PRKDC: variants seen among roughly 807,000 people sequenced by gnomAD.
PRKDC encodes DNA-dependent protein kinase catalytic subunit.
Under a neutral mutation model 486.9 loss-of-function variants are expected in PRKDC, and 82 were observed. The ratio of observed to expected loss-of-function variants is 0.17; its 90% CI spans 0.14 to 0.20. The LOEUF (loss-of-function observed/expected upper bound fraction) is 0.20, where lower values mean the gene tolerates loss of function less well. Among genes scored for constraint, PRKDC ranks in the 10% least tolerant of loss-of-function variants. PRKDC has a pLI of 1.00. For missense variants in PRKDC, 4,504 were observed against 5,038.2 expected (o/e 0.89, Z 3.21); for synonymous variants, 1,895 against 1,837.0 (o/e 1.03, Z -0.81).
At chr8:47,920,312 C>G (rs939908569) in intron 21 of PRKDC, among the ~76,000 whole-genome samples, 1 of 152,150 alleles carries the variant, frequency 6.6e-6, no homozygotes, top group Non-Finnish European at 1.5e-5. Context: ...GTCTGTATCT[C>G]CTGGTTTTTG....
chr8:47,826,611 G>C (rs376470383), intron 63 of PRKDC, 45 bp downstream of exon 63: 7 of 1,557,870 alleles, frequency 4.5e-6, no homozygotes, highest in Middle Eastern at 4.6e-4. Context: ...GTATTGCTTT[G>C]GTCAAATCCA....
At chr8:47,801,032 T>C (rs1403520614) in intron 70 of PRKDC, 46 bp from the exon 71 acceptor site, 3 of 1,532,552 alleles carry the variant, frequency 2.0e-6, no homozygotes, top group Non-Finnish European at 2.7e-6. Context: ...TGTATGTGTG[T>C]GTGGAATTAA....
chr8:47,777,400 G>A (rs189286892), intron 84 of PRKDC, among the ~76,000 whole-genome samples: 54 of 152,130 alleles, frequency 3.5e-4, no homozygotes, highest in Non-Finnish European at 6.9e-4. Flanking sequence ...GTAGAGACAG[G>A]GTTTTACCAT....
In PRKDC at chr8:47,784,082, C is replaced by G. The variant is rs952370742; in HGVS notation, c.11108-273G>C. On this transcript the variant is annotated intron_variant, in intron 77 of 85. Transcript: ENST00000314191. ...GACCATCCTGGCTTACATGGTGAAG[C>G]CCCGTCTCTACTAAAAATACAAAAA... The G allele has an allele frequency of 2.1e-5, 7 of 338,210 alleles. No homozygotes were observed. In the South Asian group the frequency reaches 2.2e-4, roughly 10 times the overall value. The allele number at this position is 338,210 out of a possible 1,614,324, so 21.0% of individuals were successfully genotyped here. A position where few individuals can be genotyped will look rare whatever the true frequency, so the allele number is the denominator to read the frequency against.
intron 16 of PRKDC, among the ~76,000 whole-genome samples, chr8:47,932,439 AATCTCCTGACCTCGTG>A (rs2090273665): frequency 6.8e-6 from 1 of 146,610 alleles, no homozygotes; most frequent in Non-Finnish European, 1.5e-5. Flanking sequence ...GGATGGTCTC[AATCTCCTGACCTCGTG>A]ATCTGCCTGC....
rs138679977 is a variant in PRKDC, at chr8:47,783,898, G to A, written c.11108-89C>T. The A allele has an allele frequency of 1.7e-4, 223 of 1,284,716 alleles. 1 individual carries two copies. In the African/African-American group the frequency reaches 2.6e-3, roughly 15 times the overall value. 79.6% of individuals were successfully genotyped at this position (1,284,716 alleles called of 1,614,324 possible). A position where few individuals can be genotyped will look rare whatever the true frequency, so the allele number is the denominator to read the frequency against. On this transcript the variant is annotated intron_variant, in intron 77 of 85. Coordinates refer to ENST00000314191, the MANE Select transcript of PRKDC (RefSeq NM_006904.7). ...TGCCTCTTGATCTACTTTTTAAAAAGCCAATCTAACATGATAAAACCTTTT... is the reference window on the plus strand; with the variant it reads ...TGCCTCTTGATCTACTTTTTAAAAAACCAATCTAACATGATAAAACCTTTT...
At chr8:47,940,992 C>T (rs1448881548) in intron 10 of PRKDC, among the ~76,000 whole-genome samples, 1 of 151,984 alleles carries the variant, frequency 6.6e-6, no homozygotes, top group Non-Finnish European at 1.5e-5. Context: ...TATCCAGGCA[C>T]GGTGGCAGGT....
chr8:47,803,801 T>G (rs1317435683), intron 69 of PRKDC, among the ~76,000 whole-genome samples: 1 of 152,000 alleles, frequency 6.6e-6, no homozygotes, highest in Non-Finnish European at 1.5e-5. Flanking sequence ...TTTAAAAAAT[T>G]AGCCAGCACC....
intron 25 of PRKDC, among the ~76,000 whole-genome samples, chr8:47,907,532 C>CA (rs2089811487): frequency 6.8e-6 from 1 of 147,386 alleles, no homozygotes; most frequent in Admixed American, 6.8e-5. Flanking sequence ...TATTTATATA[C>CA]CTTTTTTTTT....
Position 47,957,151 on chromosome 8 carries a change from G to C in PRKDC, c.324+20C>G. The C allele has an allele frequency of 6.8e-7, 1 of 1,463,060 alleles. No individual in the cohort carries two copies. The highest frequency in any genetic ancestry group is 1.2e-5 in the South Asian group (1 of 84,030). 90.6% of individuals were successfully genotyped at this position (1,463,060 alleles called of 1,614,324 possible). ...AGATGTTGATATATAATGTAATAAG[G>C]TATGTTTTTTAATTCTTACCTTAAT... On this transcript the variant is annotated intron_variant, in intron 3 of 85. Coordinates refer to ENST00000314191, the MANE Select transcript of PRKDC (RefSeq NM_006904.7).
At position 47,960,055 on chromosome 8, in the gene PRKDC, G is replaced by T; in HGVS notation, c.72C>A (p.Arg24=). The change falls in exon 1 of 86, where the codon CGC becomes CGA. Residue 24 remains arginine (R), a synonymous_variant. Transcript: ENST00000314191. Reference sequence around the variant, plus strand: ...GATGACCGGCCAGGGCAGCACCGCAGCGGTCCGCAGCGGACAAGGTCTCCT... The same window carrying T: ...GATGACCGGCCAGGGCAGCACCGCATCGGTCCGCAGCGGACAAGGTCTCCT... ...RLQETLSAAD[R]CGAALAGHQL... is the part of the protein sequence containing the mutation. 6.5e-7 allele frequency: 1 copy of T among 1,532,496 alleles called. No individual in the cohort carries two copies. Among genetic ancestry groups the T allele is most frequent in the Non-Finnish European group, 8.7e-7 (1 of 1,145,932 alleles). 94.9% of individuals were successfully genotyped at this position (1,532,496 alleles called of 1,614,324 possible). A position where few individuals can be genotyped will look rare whatever the true frequency, so the allele number is the denominator to read the frequency against.
intron 54 of PRKDC, among the ~76,000 whole-genome samples, chr8:47,848,682 T>C (rs918224164): frequency 1.2e-4 from 18 of 149,780 alleles, no homozygotes; most frequent in African/African-American, 3.4e-4. Context: ...TATGGACTAA[T>C]AGACTAAGAC....
intron 40 of PRKDC, among the ~76,000 whole-genome samples, chr8:47,871,326 C>T (rs1013142408): frequency 2.0e-5 from 3 of 152,008 alleles, no homozygotes; most frequent in African/African-American, 7.3e-5. Flanking sequence ...AAGAAAGGAT[C>T]CCAAGAGAAG....
chr8:47,859,071 G>C, intron 46 of PRKDC, 85 bp from the exon 47 acceptor site: 1 of 1,445,020 alleles, frequency 6.9e-7, no homozygotes, highest in Admixed American at 1.8e-5. Flanking sequence ...TCTTTCTGGG[G>C]CAACAGCATA....
At chr8:47,871,593 G>C (rs371417538) in intron 40 of PRKDC, among the ~76,000 whole-genome samples, 1 of 152,004 alleles carries the variant, frequency 6.6e-6, no homozygotes, top group Non-Finnish European at 1.5e-5. Context: ...AGTTTTTTTT[G>C]TTGTTGTTGT....
chr8:47,844,539 A>T (rs752100674), intron 54 of PRKDC, among the ~76,000 whole-genome samples: 3 of 152,132 alleles, frequency 2.0e-5, no homozygotes, highest in Non-Finnish European at 4.4e-5. Context: ...GAACAATCGG[A>T]CCCAATACAT....
chr8:47,928,161 T>C (rs1003739553), intron 19 of PRKDC, among the ~76,000 whole-genome samples: 8 of 151,422 alleles, frequency 5.3e-5, no homozygotes, highest in Admixed American at 3.9e-4. Flanking sequence ...GGACTTTTTT[T>C]TTTTTTTTTT....
chr8:47,898,763 A>C (rs1285054183), intron 28 of PRKDC, among the ~76,000 whole-genome samples, 194 bp from the exon 29 acceptor site: 2 of 152,372 alleles, frequency 1.3e-5, no homozygotes, highest in East Asian at 1.9e-4. Context: ...TGAACACAAA[A>C]CCCCTATTTA....
chr8:47,931,474 TC>T (rs2090251310), intron 16 of PRKDC, among the ~76,000 whole-genome samples: 2 of 150,882 alleles, frequency 1.3e-5, no homozygotes, highest in African/African-American at 4.9e-5. Context: ...CTGACACAGT[TC>T]CAGGAAGTCC....
Sources: allele counts gnomAD v4.1 joint callset (sites outside exome capture counted in the v4.1 genomes callset), GRCh38; gene constraint gnomAD v4.1.1; transcripts MANE v1.5; gene names NCBI Gene and HGNC (gene_info 2026-07-23, HGNC 2026-07-21).